The following GFRAL variants were observed in gnomAD, a reference collection of about 807,000 sequenced individuals.
GFRAL encodes the protein GDNF family receptor alpha like.
Under a neutral mutation model 45.4 loss-of-function variants are expected in GFRAL, and 36 were observed. The observed-to-expected ratio is 0.79, with a 90% confidence interval of 0.61 to 1.05. GFRAL has a LOEUF of 1.05. Among genes scored for constraint, GFRAL ranks in the 50% least tolerant of loss-of-function variants. The probability of loss-of-function intolerance (pLI) is 0.00; values close to 1 mark genes in which losing one functional copy is unlikely to be tolerated. For missense variants in GFRAL, 507 were observed against 467.5 expected (o/e 1.08, Z -0.78); for synonymous variants, 166 against 154.1 (o/e 1.08, Z -0.57).
intron 6 of GFRAL, among the ~76,000 whole-genome samples, chr6:55,373,934 T>A (rs573037494): frequency 6.6e-6 from 1 of 152,248 alleles, no homozygotes; most frequent in South Asian, 2.1e-4. Context: ...CAGCATTTGT[T>A]GTTCCCACTG....
chr6:55,337,572 G>A (rs889447986), intron 3 of GFRAL, among the ~76,000 whole-genome samples: 9 of 152,302 alleles, frequency 5.9e-5, no homozygotes, highest in East Asian at 5.8e-4. Flanking sequence ...TAAATTCAAT[G>A]TGTTAACTTG....
At chr6:55,366,173 G>A (rs967368357) in intron 6 of GFRAL, among the ~76,000 whole-genome samples, 1 of 151,768 alleles carries the variant, frequency 6.6e-6, no homozygotes, top group Non-Finnish European at 1.5e-5. Flanking sequence ...TCTTGGGAGA[G>A]TGTATGTGTC....
At chr6:55,365,916 C>G (rs527758363) in intron 6 of GFRAL, among the ~76,000 whole-genome samples, 50 of 145,752 alleles carry the variant, frequency 3.4e-4, no homozygotes, top group African/African-American at 1.2e-3. Context: ...TTTGTTGTGT[C>G]CCTGCCTGGC....
intron 6 of GFRAL, among the ~76,000 whole-genome samples, chr6:55,390,842 C>T (rs1453739798): frequency 4.0e-5 from 6 of 151,622 alleles, no homozygotes; most frequent in East Asian, 1.9e-4. Flanking sequence ...GAGCCAAGAT[C>T]GCGCCATTGC....
intron 6 of GFRAL, among the ~76,000 whole-genome samples, chr6:55,395,171 A>ATATATATATATATATATATATAT (rs1327884681): frequency 1.1e-5 from 1 of 90,824 alleles, no homozygotes; most frequent in African/African-American, 5.6e-5. Flanking sequence ...GGAAAAAAAA[A>ATATATATATATATATATATATAT]AAAAATATAT....
chr6:55,350,790 T>A, intron 4 of GFRAL, among the ~76,000 whole-genome samples: 1 of 152,176 alleles, frequency 6.6e-6, no homozygotes, highest in East Asian at 1.9e-4. Context: ...TATACTTGTG[T>A]ATCTGTAGGA....
chr6:55,397,334 A>G (rs968754289), intron 6 of GFRAL, among the ~76,000 whole-genome samples: 1 of 140,224 alleles, frequency 7.1e-6, no homozygotes, highest in Non-Finnish European at 1.6e-5. Flanking sequence ...CTGGCTAACA[A>G]GGTGAAACCC....
chr6:55,329,691 T>TA (rs1581896050), intron 1 of GFRAL, among the ~76,000 whole-genome samples: 1 of 152,026 alleles, frequency 6.6e-6, no homozygotes, highest in East Asian at 1.9e-4. Flanking sequence ...AGAAAGCTGA[T>TA]ATGTCCATTT....
chr6:55,332,471 G>GTGTA (rs1767842862), intron 2 of GFRAL, among the ~76,000 whole-genome samples: 1 of 151,802 alleles, frequency 6.6e-6, no homozygotes, highest in Admixed American at 6.6e-5. Context: ...CCAGGCTGGA[G>GTGTA]TGTAGCTGCG....
At chr6:55,335,519 A>G (rs1233023216) in intron 3 of GFRAL, among the ~76,000 whole-genome samples, 1 of 152,106 alleles carries the variant, frequency 6.6e-6, no homozygotes, top group Non-Finnish European at 1.5e-5. Flanking sequence ...ATAAATATTT[A>G]ATTCACATTA....
chr6:55,359,084 G>A lies in GFRAL; in HGVS notation c.898G>A (p.Glu300Lys), dbSNP rs370371697. 2.5e-6 allele frequency: 4 copies of A among 1,612,190 alleles called. No homozygotes were observed. Among genetic ancestry groups the A allele is most frequent in the Non-Finnish European group, 3.4e-6 (4 of 1,178,694 alleles). ...TACCTGTAGGACCATTACACAAAGT[G>A]AGGAATCTTTGTGTAAGATTTTCCA... is the stretch of plus-strand genomic sequence containing the variant. ...QCTCRTITQS[E>K]ESLCKIFQHM... Residue 300 changes from glutamate (E) to lysine (K), a missense_variant, in exon 6 of 9, where the codon GAG becomes AAG. Glu to Lys is a moderately conservative substitution (Grantham distance 56). Transcript: ENST00000340465.
chr6:55,331,443 T>C (rs1767827825), intron 1 of GFRAL, among the ~76,000 whole-genome samples: 1 of 152,126 alleles, frequency 6.6e-6, no homozygotes, highest in African/African-American at 2.4e-5. Context: ...AGAGCAGTTT[T>C]AATGGAATAA....
chr6:55,359,377 T>C (rs1343625645), intron 6 of GFRAL, among the ~76,000 whole-genome samples: 1 of 152,020 alleles, frequency 6.6e-6, no homozygotes, highest in Non-Finnish European at 1.5e-5. Context: ...TAATTATCAT[T>C]TATTGATTTC....
At chr6:55,362,585 A>G (rs1768291019) in intron 6 of GFRAL, among the ~76,000 whole-genome samples, 1 of 152,064 alleles carries the variant, frequency 6.6e-6, no homozygotes, top group Non-Finnish European at 1.5e-5. Flanking sequence ...TAATAGGGAA[A>G]TGAGAGCCAT....
intron 6 of GFRAL, among the ~76,000 whole-genome samples, chr6:55,360,222 T>A (rs1768254925): frequency 6.6e-6 from 1 of 152,048 alleles, no homozygotes; most frequent in South Asian, 2.1e-4. Context: ...GGTTAGACCA[T>A]GCAACCTTCG....
chr6:55,358,173 A>G (rs919061022), intron 5 of GFRAL, among the ~76,000 whole-genome samples: 1 of 151,958 alleles, frequency 6.6e-6, no homozygotes. Context: ...AATGTCATGT[A>G]CTTATAGGGC....
intron 3 of GFRAL, among the ~76,000 whole-genome samples, chr6:55,342,371 A>T (rs537512843): frequency 6.6e-6 from 1 of 152,296 alleles, no homozygotes; most frequent in East Asian, 1.9e-4. Flanking sequence ...ACCAATATTC[A>T]ACATTCTTAA....
At chr6:55,373,569 C>T (rs1768482032) in intron 6 of GFRAL, among the ~76,000 whole-genome samples, 1 of 152,088 alleles carries the variant, frequency 6.6e-6, no homozygotes, top group South Asian at 2.1e-4. Flanking sequence ...TTATTTCTTT[C>T]CTTCCTCACC....
At chr6:55,386,871 G>A (rs1768687325) in intron 6 of GFRAL, among the ~76,000 whole-genome samples, 1 of 152,044 alleles carries the variant, frequency 6.6e-6, no homozygotes, top group Non-Finnish European at 1.5e-5. Flanking sequence ...CTGCATATTT[G>A]GCTAAGGCTT....
Sources: allele counts gnomAD v4.1 joint callset (sites outside exome capture counted in the v4.1 genomes callset), GRCh38; gene constraint gnomAD v4.1.1; transcripts MANE v1.5; gene names NCBI Gene and HGNC (gene_info 2026-07-23, HGNC 2026-07-21).